Variants in CEP152 observed in about 807,000 individuals in gnomAD.
CEP152 encodes the protein centrosomal protein of 152 kDa.
Under a neutral mutation model 188.9 loss-of-function variants are expected in CEP152, and 132 were observed. That is an observed-to-expected ratio of 0.70 (90% CI 0.61 to 0.81). The LOEUF (loss-of-function observed/expected upper bound fraction) is 0.81. Ranked by LOEUF, CEP152 falls within the 30% of genes least tolerant of loss-of-function variation. The pLI is 0.00. For synonymous variants in CEP152, 649 were observed against 666.6 expected, an observed-to-expected ratio of 0.97 and a Z score of 0.41; for missense variants, 1,914 against 1,969.8, an observed-to-expected ratio of 0.97 and a Z score of 0.54.
chr15:48,802,540 C>G (rs971633800), intron 2 of CEP152, among the ~76,000 whole-genome samples: 1 of 152,174 alleles, frequency 6.6e-6, no homozygotes, highest in Non-Finnish European at 1.5e-5. Context: ...TATGCCTTGA[C>G]TCACAGTGGG....
chr15:48,783,775 GTATATATATATATATGTA>G, intron 10 of CEP152, 180 bp downstream of exon 10: 1 of 181,792 alleles, frequency 5.5e-6, no homozygotes, highest in Non-Finnish European at 1.0e-5. Context: ...ATGTGTGTAT[GTATATATATATATATGTA>G]TATATATATA....
intron 2 of CEP152, among the ~76,000 whole-genome samples, chr15:48,799,557 T>C (rs1294582414): frequency 6.6e-6 from 1 of 152,176 alleles, no homozygotes; most frequent in Non-Finnish European, 1.5e-5. Flanking sequence ...AAAAGTTATC[T>C]TCATCTTTAA....
At chr15:48,797,173 CCT>C (rs1264723136) in intron 5 of CEP152, 126 bp downstream of exon 5, 1 of 1,007,908 alleles carries the variant, frequency 9.9e-7, no homozygotes, top group Non-Finnish European at 1.5e-6. Flanking sequence ...GAATAAGTGC[CCT>C]CTCAGAACTT....
intron 19 of CEP152, among the ~76,000 whole-genome samples, chr15:48,758,718 CAAAAAA>C (rs869223881): frequency 2.8e-5 from 2 of 70,460 alleles, no homozygotes; most frequent in Non-Finnish European, 4.9e-5. Context: ...GACTCCATCT[CAAAAAA>C]AAAAAAAAAA....
intron 2 of CEP152, among the ~76,000 whole-genome samples, chr15:48,799,897 C>T (rs1054201610): frequency 9.9e-5 from 15 of 152,130 alleles, no homozygotes; most frequent in South Asian, 2.1e-4. Context: ...AGACTACCCC[C>T]ACATGTTACA....
chr15:48,780,250 T>C (rs1441533049), intron 12 of CEP152, among the ~76,000 whole-genome samples: 2 of 152,098 alleles, frequency 1.3e-5, no homozygotes, highest in African/African-American at 4.8e-5. Context: ...GGGATGAGAG[T>C]CCCTGAAGAC....
chr15:48,792,776 C>T (rs1897062415), intron 7 of CEP152, among the ~76,000 whole-genome samples: 1 of 150,456 alleles, frequency 6.6e-6, no homozygotes, highest in Non-Finnish European at 1.5e-5. Context: ...TTCTAAAAGC[C>T]TAAGTGAGAA....
Position 48,778,312 on chromosome 15 carries a change from A to G in CEP152, c.1577+2884T>C, listed in dbSNP as rs977570817. Among the ~76,000 whole-genome samples the G allele has an allele frequency of 7.2e-5, 11 of 152,334 alleles. No homozygotes were observed. In the East Asian group the frequency reaches 9.7e-4, roughly 13 times the overall value. On this transcript the variant is annotated intron_variant, in intron 12 of 26. Transcript: ENST00000380950. ...AACAAAGAACTAAAATTCCCAACAC[A>G]TGAAAATTATTGCTTCCCCTTATTC...
intron 20 of CEP152, among the ~76,000 whole-genome samples, chr15:48,754,322 T>C (rs1032629422): frequency 6.6e-6 from 1 of 152,106 alleles, no homozygotes; most frequent in African/African-American, 2.4e-5. Context: ...GACTCCAGGG[T>C]TGATTTTATA....
At chr15:48,764,473 T>G (rs8041414) in intron 17 of CEP152, among the ~76,000 whole-genome samples, 50,972 of 152,054 alleles carry the variant, frequency 0.34, 12,028 homozygotes, top group African/African-American at 0.63. Flanking sequence ...GTTGTGCGTG[T>G]CTTGGATAGC....
chr15:48,805,435 G>C (rs1897915345), intron 2 of CEP152, 128 bp downstream of exon 2: 1 of 1,278,180 alleles, frequency 7.8e-7, no homozygotes, highest in South Asian at 1.5e-5. Flanking sequence ...AGATTTTAGG[G>C]TTGTTTTTTT....
chr15:48,756,248 GTCT>G lies in CEP152; in HGVS notation c.2997_2999del (p.Glu999del). ...GTAGTTCAGTTTTTTGTTTCATAAA[GTCT>G]TCTTTAGCTGCCGCAAGCACCTCAT... is the stretch of plus-strand genomic sequence containing the variant. On this transcript the variant is annotated inframe_deletion, in exon 20 of 27. Transcript: ENST00000380950. 2 of 1,605,904 alleles carry G rather than the reference GTCT, an allele frequency of 1.2e-6. No individual in the cohort carries two copies. Among genetic ancestry groups the G allele is most frequent in the Non-Finnish European group, 1.7e-6 (2 of 1,175,706 alleles).
intron 22 of CEP152, 83 bp from the exon 23 acceptor site, chr15:48,745,075 T>A: frequency 2.1e-6 from 2 of 965,346 alleles, no homozygotes; most frequent in Middle Eastern, 3.0e-4. Context: ...TACAAATGTT[T>A]ATAGAAGAGA....
chr15:48,752,598 G>A (rs1222548705), intron 20 of CEP152, 129 bp from the exon 21 acceptor site: 21 of 1,432,206 alleles, frequency 1.5e-5, no homozygotes, highest in South Asian at 5.7e-5. Flanking sequence ...ACTATCTATC[G>A]CCAATATTTT....
intron 9 of CEP152, 138 bp from the exon 10 acceptor site, chr15:48,784,258 A>G: frequency 1.2e-6 from 1 of 809,996 alleles, no homozygotes; most frequent in South Asian, 1.7e-5. Context: ...TTACAAGGTA[A>G]AGTGCACAGA....
chr15:48,741,534 A>G, intron 26 of CEP152, 67 bp downstream of exon 26: 3 of 1,612,246 alleles, frequency 1.9e-6, no homozygotes, highest in Middle Eastern at 1.7e-4. Context: ...CCTTCTTCAT[A>G]CTGAAAATAT....
intron 1 of CEP152, among the ~76,000 whole-genome samples, chr15:48,809,478 G>A (rs1898196654): frequency 6.6e-6 from 1 of 152,160 alleles, no homozygotes; most frequent in Non-Finnish European, 1.5e-5. Context: ...AGAAAGGATA[G>A]TTTAGAGAAG....
rs768917744 is a variant in CEP152 at position 48,742,032 on chromosome 15, G to A, written c.3904C>T (p.Arg1302Ter). The A allele has an allele frequency of 5.0e-6, 8 of 1,614,064 alleles. No individual in the cohort carries two copies. The highest frequency in any genetic ancestry group is 1.6e-4 in the Middle Eastern group (1 of 6,062). Residue 1302 changes from arginine to a stop codon, truncating the protein, a stop_gained, in exon 25 of 27, where the codon CGA becomes TGA. Transcript: ENST00000380950. LOFTEE classifies it high-confidence loss of function. The stretch of plus-strand genomic sequence containing the variant: ...TTTCGGGCGGTTTCTTGACGTTCTC[G>A]CAGTACCTCTGCTTTTACCATTTCT... ...AAEMVKAEVL[R>*]ERQETARKMR... is the part of the protein sequence containing the mutation.
chr15:48,747,730 A>C (rs547120908), intron 22 of CEP152, among the ~76,000 whole-genome samples: 7 of 152,332 alleles, frequency 4.6e-5, no homozygotes, highest in Admixed American at 1.3e-4. Context: ...TGTAGAGTAT[A>C]GCGTATAGGC....
Sources: gnomAD v4.1 joint callset for allele counts (sites outside exome capture counted in the v4.1 genomes callset) on GRCh38, gnomAD v4.1.1 for gene constraint, MANE v1.5 for transcripts, NCBI Gene and HGNC (gene_info 2026-07-23, HGNC 2026-07-21) for gene names.